Variants in SYNE1 observed in about 807,000 individuals in gnomAD.
The protein encoded by SYNE1 is nesprin-1.
SYNE1 carries 616 observed loss-of-function variants against 1,111.0 expected under a neutral mutation model. The ratio of observed to expected loss-of-function variants is 0.55; its 90% confidence interval spans 0.52 to 0.59. SYNE1 has a LOEUF of 0.59. SYNE1 is among the 20% of genes least tolerant of loss of function. The pLI, the probability that SYNE1 is intolerant of heterozygous loss-of-function variation, is 0.00. For missense variants in SYNE1, 10,006 were observed against 10,417.0 expected (o/e 0.96, Z 1.72); for synonymous variants, 3,855 against 3,825.8 (o/e 1.01, Z -0.28).
At chr6:152,489,921 G>A (rs1163099208) in intron 11 of SYNE1, among the ~76,000 whole-genome samples, 1 of 152,124 alleles carries the variant, frequency 6.6e-6, no homozygotes, top group African/African-American at 2.4e-5. Flanking sequence ...AAGTTCCCAG[G>A]TGAATCTGAT....
In SYNE1 at chr6:152,466,068, T is replaced by C; in HGVS notation, c.1643A>G (p.Glu548Gly). 2 of 1,602,400 alleles carry C rather than the reference T, an allele frequency of 1.2e-6. No individual in the cohort carries two copies. The highest frequency in any genetic ancestry group is 1.7e-6 in the Non-Finnish European group (2 of 1,169,824). ...QLLQNYVSFIENSKFFEQYEV... is the reference protein window; with the variant it reads ...QLLQNYVSFIGNSKFFEQYEV... ...ATATTGTTCAAAGAACTTGCTATTT[T>C]CTATAAAAGACTAGAAAAGGAGGAA... The change falls in exon 17 of 146, where the codon GAA becomes GGA. Residue 548 changes from glutamate (E) to glycine (G), a missense_variant. Physicochemically the swap from Glu to Gly is moderately conservative, Grantham distance 98. Transcript: ENST00000367255.
rs2085071185 is a variant in SYNE1 at position 152,239,600 on chromosome 6, A to G, written c.20000T>C (p.Met6667Thr). Residue 6667 changes from methionine (M) to threonine (T), a missense_variant, in exon 108 of 146, where the codon ATG becomes ACG. Transcript: ENST00000367255. ...QKETQFHTEL[M>T]AQASAVLKRA... ...TTTCAGTACAGCAGAAGCCTGAGCC[A>G]TCAGCTCTGTATGGAACTGGGTTTC... The G allele has an allele frequency of 6.2e-7, 1 of 1,614,192 alleles. No individual in the cohort carries two copies. The highest frequency in any genetic ancestry group is 8.5e-7 in the Non-Finnish European group (1 of 1,180,030).
intron 98 of SYNE1, among the ~76,000 whole-genome samples, chr6:152,272,636 T>C (rs561527846): frequency 6.6e-6 from 1 of 152,122 alleles, no homozygotes; most frequent in Non-Finnish European, 1.5e-5. Flanking sequence ...GTCTATTTGA[T>C]AGGAAACAAA....
At chr6:152,226,934 G>A (rs750311348) in intron 115 of SYNE1, among the ~76,000 whole-genome samples, 11 of 152,140 alleles carry the variant, frequency 7.2e-5, no homozygotes, top group Non-Finnish European at 1.3e-4. Context: ...ACTAAAAGCA[G>A]ATTTGTAGTT....
Position 152,353,387 on chromosome 6 carries a change from G to T in SYNE1, c.11129C>A (p.Ser3710Ter). The T allele has an allele frequency of 6.2e-7, 1 of 1,614,166 alleles. No homozygotes were observed. Among genetic ancestry groups the T allele is most frequent in the South Asian group, 1.1e-5 (1 of 91,076 alleles). Residue 3710 changes from serine (S) to a stop codon, truncating the protein, a stop_gained, in exon 69 of 146, where the codon TCA becomes TAA. Transcript: ENST00000367255. LOFTEE classifies it high-confidence loss of function. ...AGAATAGGAACTGAGGGATGATTCT[G>T]ATTCCTCCAAACTCTGAATCTCCTC... is the stretch of plus-strand genomic sequence containing the variant. ...LEEEIQSLEESESSLSSYSDW... is the reference protein window; with the variant it reads ...LEEEIQSLEE
At chr6:152,510,987 G>T in intron 7 of SYNE1, 24 bp downstream of exon 7, 1 of 1,599,250 alleles carries the variant, frequency 6.3e-7, no homozygotes, top group Non-Finnish European at 8.6e-7. Context: ...TGCATCAACT[G>T]AAAGAGGAAC....
chr6:152,331,637 G>T lies in SYNE1; in HGVS notation c.13048C>A (p.Gln4350Lys). The T allele has an allele frequency of 6.2e-7, 1 of 1,614,140 alleles. No individual in the cohort carries two copies. Among genetic ancestry groups the T allele is most frequent in the South Asian group, 1.1e-5 (1 of 91,070 alleles). Residue 4350 changes from glutamine to lysine, a missense_variant, in exon 78 of 146, where the codon CAG (glutamine) becomes AAG (lysine). Gln to Lys is a moderately conservative substitution (Grantham distance 53, BLOSUM62 1). Around this residue, in one of 7 missense-constraint regions of SYNE1, gnomAD observed 4,955 missense variants for 5,017.2 expected, o/e 0.99. Coordinates refer to ENST00000367255, the MANE Select transcript of SYNE1 (RefSeq NM_182961.4). ...VTNLEELNVV[Q>K]SRFQELMEWA... is the part of the protein sequence containing the mutation. Reference sequence around the variant, plus strand: ...TCCATTAGCTCCTGAAATCTGGACTGCACCACATTTAACTCCTCCAAGTTG... The same window carrying T: ...TCCATTAGCTCCTGAAATCTGGACTTCACCACATTTAACTCCTCCAAGTTG...
At chr6:152,173,290 T>C (rs2065650186) in intron 130 of SYNE1, among the ~76,000 whole-genome samples, 1 of 152,246 alleles carries the variant, frequency 6.6e-6, no homozygotes, top group African/African-American at 2.4e-5. Flanking sequence ...TCTTTTTTGT[T>C]GCTTCTGTGA....
chr6:152,269,429 AC>A, intron 98 of SYNE1, 143 bp from the exon 99 acceptor site: 1 of 1,252,360 alleles, frequency 8.0e-7, no homozygotes. Flanking sequence ...TTTAAAAAAA[AC>A]AGTAACACAA....
chr6:152,187,343 A>C (rs543620583), intron 128 of SYNE1, among the ~76,000 whole-genome samples: 68 of 152,322 alleles, frequency 4.5e-4, no homozygotes, highest in African/African-American at 1.4e-3. Context: ...CACATCAATC[A>C]AGAGGCTCTG....
At chr6:152,353,814 T>G in intron 67 of SYNE1, 70 bp from the exon 68 acceptor site, 1 of 1,586,774 alleles carries the variant, frequency 6.3e-7, no homozygotes, top group East Asian at 2.2e-5. Context: ...GTATATCTTC[T>G]TATAGGAAAT....
At chr6:152,269,415 ATTTTTT>A in intron 98 of SYNE1, 129 bp from the exon 99 acceptor site, 2 of 1,328,664 alleles carry the variant, frequency 1.5e-6, no homozygotes, top group Non-Finnish European at 1.0e-6. Flanking sequence ...GTGAAACCAC[ATTTTTT>A]AAAAAAAACA....
intron 45 of SYNE1, among the ~76,000 whole-genome samples, chr6:152,405,789 T>C (rs981507918): frequency 6.6e-6 from 1 of 152,176 alleles, no homozygotes; most frequent in Non-Finnish European, 1.5e-5. Flanking sequence ...TGGATAATTT[T>C]TTCTCCTTCT....
At chr6:152,524,519 A>G (rs531388671) in intron 5 of SYNE1, among the ~76,000 whole-genome samples, 21 of 152,214 alleles carry the variant, frequency 1.4e-4, no homozygotes, top group Non-Finnish European at 2.6e-4. Flanking sequence ...ATGTATTTCA[A>G]TCTAATGACT....
At position 152,233,974 on chromosome 6, in the gene SYNE1, T is replaced by C; in HGVS notation, c.20530-11A>G. Reference sequence around the variant, plus strand: ...TTCTTTAGAAAACTCCTGAAACAAGTAGCGATGTTCAAATTAGGGTTAAAT... The same window carrying C: ...TTCTTTAGAAAACTCCTGAAACAAGCAGCGATGTTCAAATTAGGGTTAAAT... On this transcript the variant is annotated splice_polypyrimidine_tract_variant and intron_variant, in intron 111 of 145. Coordinates refer to ENST00000367255, the MANE Select transcript of SYNE1 (RefSeq NM_182961.4). 4 of 1,613,614 alleles carry C rather than the reference T, an allele frequency of 2.5e-6. No individual in the cohort carries two copies. The highest frequency in any genetic ancestry group is 2.2e-5 in the South Asian group (2 of 91,062).
At chr6:152,228,968 G>A (rs1024851175) in intron 115 of SYNE1, among the ~76,000 whole-genome samples, 2 of 151,910 alleles carry the variant, frequency 1.3e-5, no homozygotes, top group African/African-American at 2.4e-5. Context: ...TTCTCTATAC[G>A]ATGTTTTTCT....
At chr6:152,598,338 C>A (rs1316711640) in intron 3 of SYNE1, among the ~76,000 whole-genome samples, 3 of 152,118 alleles carry the variant, frequency 2.0e-5, no homozygotes, top group Non-Finnish European at 4.4e-5. Context: ...CACCTTCCAC[C>A]ATTATTGTGA....
At chr6:152,468,037 C>T (rs2098781904) in intron 16 of SYNE1, among the ~76,000 whole-genome samples, 1 of 152,016 alleles carries the variant, frequency 6.6e-6, no homozygotes, top group Admixed American at 6.6e-5. Flanking sequence ...ACTTGGATCC[C>T]AAGTTCAACA....
At chr6:152,124,559 A>G (rs2052654631) in intron 145 of SYNE1, among the ~76,000 whole-genome samples, 1 of 152,106 alleles carries the variant, frequency 6.6e-6, no homozygotes, top group Non-Finnish European at 1.5e-5. Flanking sequence ...TTACTGTTCG[A>G]TGTTTTTGTC....
Sources: gnomAD v4.1 joint callset for allele counts (sites outside exome capture counted in the v4.1 genomes callset) on GRCh38, gnomAD v4.1.1 for gene constraint, gnomAD v4.1.1 regional missense constraint, MANE v1.5 for transcripts, NCBI Gene and HGNC (gene_info 2026-07-23, HGNC 2026-07-21) for gene names.